The following ARSB variants were observed in gnomAD, a reference collection of about 807,000 sequenced individuals.
ARSB encodes arylsulfatase B, also known as N-acetylgalactosamine-4-sulfatase.
ARSB carries 41 observed loss-of-function variants against 50.9 expected under a neutral mutation model. The ratio of observed to expected loss-of-function variants is 0.81; its 90% CI spans 0.63 to 1.04. The LOEUF (loss-of-function observed/expected upper bound fraction) is 1.04, where lower values mean the gene tolerates loss of function less well. Ranked by LOEUF, ARSB falls within the 50% of genes least tolerant of loss-of-function variation. The pLI, the probability that ARSB is intolerant of heterozygous loss-of-function variation, is 0.00. For missense variants in ARSB, 672 were observed against 693.3 expected (o/e 0.97, Z 0.35); for synonymous variants, 269 against 284.8 (o/e 0.94, Z 0.56).
chr5:78,924,857 C>T (rs1330246607), intron 4 of ARSB, among the ~76,000 whole-genome samples: 2 of 152,168 alleles, frequency 1.3e-5, no homozygotes, highest in Non-Finnish European at 2.9e-5. Flanking sequence ...GAAACACCAA[C>T]AATTAAAATC....
At chr5:78,898,887 A>C (rs1197284302) in intron 4 of ARSB, among the ~76,000 whole-genome samples, 3 of 152,184 alleles carry the variant, frequency 2.0e-5, no homozygotes, top group Non-Finnish European at 4.4e-5. Context: ...CCAGGTACTT[A>C]ATTTTACCTG....
At chr5:78,972,108 T>C (rs1375275547) in intron 1 of ARSB, among the ~76,000 whole-genome samples, 1 of 152,204 alleles carries the variant, frequency 6.6e-6, no homozygotes, top group Admixed American at 6.5e-5. Flanking sequence ...TTCAGGTTTC[T>C]GATTGGGCTT....
intron 6 of ARSB, among the ~76,000 whole-genome samples, chr5:78,838,038 T>A (rs182403312): frequency 1.3e-5 from 2 of 152,324 alleles, no homozygotes; most frequent in Non-Finnish European, 1.5e-5. Context: ...AGTCATCAAG[T>A]AATCATTACT....
At position 78,969,077 on chromosome 5, in the gene ARSB, AC is replaced by A. The variant is rs766914147; in HGVS notation, c.427del (p.Val143SerfsTer41). 37 of 1,613,928 alleles carry A rather than the reference AC, an allele frequency of 2.3e-5. No homozygotes were observed. The highest frequency in any genetic ancestry group is 2.5e-5 in the Non-Finnish European group (30 of 1,180,022). On this transcript the variant is annotated frameshift_variant, in exon 2 of 8. Coordinates refer to ENST00000264914, the MANE Select transcript of ARSB (RefSeq NM_000046.5). LOFTEE classifies it high-confidence loss of function. ...LKEAGYTTHMVGKWHLGMYRK... is the reference protein window; with the variant it reads ...LKEAGYTTHMXGKWHLGMYRK... ...GTACATTCCCAGGTGCCATTTTCCG[AC>A]CATATGGGTAGTATAACCTGCTTCT...
At chr5:78,874,262 T>C (rs375120506) in intron 5 of ARSB, among the ~76,000 whole-genome samples, 1 of 152,194 alleles carries the variant, frequency 6.6e-6, no homozygotes. Context: ...TAGAAGTGGA[T>C]GGGTGGTCAG....
chr5:78,866,560 C>T (rs1283514082), intron 5 of ARSB, among the ~76,000 whole-genome samples: 1 of 152,202 alleles, frequency 6.6e-6, no homozygotes, highest in East Asian at 1.9e-4. Flanking sequence ...AGGTCTCATA[C>T]CTGACAGATC....
chr5:78,800,294 G>A (rs1307564951), intron 6 of ARSB, among the ~76,000 whole-genome samples: 1 of 150,878 alleles, frequency 6.6e-6, no homozygotes, highest in Non-Finnish European at 1.5e-5. Context: ...CTCCAGCCCG[G>A]GTGACAGAGC....
intron 5 of ARSB, among the ~76,000 whole-genome samples, chr5:78,855,250 A>G (rs1384524768): frequency 6.6e-6 from 1 of 152,192 alleles, no homozygotes. Context: ...GCTTGAGTCC[A>G]ACAGGTATGA....
At chr5:78,923,072 T>C (rs1225073355) in intron 4 of ARSB, among the ~76,000 whole-genome samples, 2 of 152,190 alleles carry the variant, frequency 1.3e-5, no homozygotes, top group African/African-American at 2.4e-5. Context: ...AGGTAGTTTA[T>C]GTTGGAAGTG....
chr5:78,978,347 A>C (rs1350692350), intron 1 of ARSB, among the ~76,000 whole-genome samples: 1 of 152,048 alleles, frequency 6.6e-6, no homozygotes, highest in East Asian at 1.9e-4. Flanking sequence ...AAAAAAAAAA[A>C]AAAAACCCTC....
rs112085927 is a variant in ARSB at position 78,832,335 on chromosome 5, C to T, written c.1213+7021G>A. Among the ~76,000 whole-genome samples the T allele has an allele frequency of 2.0e-3, 311 of 152,336 alleles. 3 individuals are homozygous for T. Among genetic ancestry groups the T allele is most frequent in the African/African-American group, 7.1e-3 (296 of 41,582 alleles). The stretch of plus-strand genomic sequence containing the variant: ...CTAGTGGACAGCTGGGAACCACCAA[C>T]AGCCTTCCAGCAGGGTGGGGAGAGG... On this transcript the variant is annotated intron_variant, in intron 6 of 7. Transcript: ENST00000264914.
rs144070164 is a variant in ARSB at position 78,882,170 on chromosome 5, T to C, written c.1142+3414A>G. Among the ~76,000 whole-genome samples the C allele has an allele frequency of 3.3e-5, 5 of 152,348 alleles. No individual in the cohort carries two copies. The East Asian group carries it at 7.7e-4, about 23-fold the overall frequency. ...CAAGTTAGGCCAGATAACTTTTTTA[T>C]GGCCACTTTTTACACAAATAGGGCA... On this transcript the variant is annotated intron_variant, in intron 5 of 7. Transcript: ENST00000264914.
chr5:78,889,576 T>A (rs976593031), intron 4 of ARSB, among the ~76,000 whole-genome samples: 3 of 152,184 alleles, frequency 2.0e-5, no homozygotes, highest in Non-Finnish European at 4.4e-5. Context: ...AGAAAAGAAA[T>A]GTCAAAGTAA....
At chr5:78,929,670 G>A (rs146956055) in intron 4 of ARSB, among the ~76,000 whole-genome samples, 3,738 of 151,726 alleles carry the variant, frequency 0.025, 156 homozygotes, top group African/African-American at 0.084. Context: ...GTGGGTGCCT[G>A]TAATCCCAGC....
intron 4 of ARSB, among the ~76,000 whole-genome samples, chr5:78,889,111 G>A (rs1260643872): frequency 6.6e-6 from 1 of 152,158 alleles, no homozygotes; most frequent in Non-Finnish European, 1.5e-5. Flanking sequence ...GACATTAGTT[G>A]GTTAACTATA....
intron 4 of ARSB, among the ~76,000 whole-genome samples, chr5:78,901,875 G>C (rs2112275182): frequency 6.6e-6 from 1 of 152,326 alleles, no homozygotes; most frequent in East Asian, 1.9e-4. Flanking sequence ...ACAGACAATT[G>C]ACAAGTGGTG....
intron 4 of ARSB, among the ~76,000 whole-genome samples, chr5:78,904,446 T>C (rs996467837): frequency 7.9e-5 from 12 of 152,064 alleles, no homozygotes; most frequent in Non-Finnish European, 1.2e-4. Context: ...TTTGAGTTTA[T>C]CCTGTTTGGA....
chr5:78,886,827 T>G (rs1418974946), intron 4 of ARSB, among the ~76,000 whole-genome samples: 1 of 152,090 alleles, frequency 6.6e-6, no homozygotes, highest in Non-Finnish European at 1.5e-5. Flanking sequence ...ACAGACCACC[T>G]GCTGTATAGA....
chr5:78,909,618 G>A (rs899595270), intron 4 of ARSB, among the ~76,000 whole-genome samples: 8 of 152,146 alleles, frequency 5.3e-5, no homozygotes, highest in Non-Finnish European at 1.2e-4. Flanking sequence ...AAAAGTCATC[G>A]CCATTCTCCA....
Sources: gnomAD v4.1 joint callset for allele counts (sites outside exome capture counted in the v4.1 genomes callset) on GRCh38, gnomAD v4.1.1 for gene constraint, MANE v1.5 for transcripts, NCBI Gene and HGNC (gene_info 2026-07-23, HGNC 2026-07-21) for gene names.